Variants in KNTC1 observed in about 807,000 individuals in gnomAD.
The protein encoded by KNTC1 is kinetochore-associated protein 1.
KNTC1 carries 253 observed loss-of-function variants against 314.4 expected under a neutral mutation model. That is an observed-to-expected ratio of 0.80 (90% CI 0.73 to 0.89). The LOEUF (loss-of-function observed/expected upper bound fraction) is 0.89, where lower values mean the gene tolerates loss of function less well. Ranked by LOEUF, KNTC1 falls within the 40% of genes least tolerant of loss-of-function variation. The probability of loss-of-function intolerance (pLI) is 0.00; values close to 1 mark genes in which losing one functional copy is unlikely to be tolerated. For missense variants in KNTC1, 2,475 were observed against 2,572.9 expected, an observed-to-expected ratio of 0.96 and a Z score of 0.82; for synonymous variants, 901 against 901.4, an observed-to-expected ratio of 1.00 and a Z score of 0.01.
chr12:122,542,227 T>C, intron 6 of KNTC1, 100 bp downstream of exon 6: 1 of 778,616 alleles, frequency 1.3e-6, no homozygotes, highest in Non-Finnish European at 1.9e-6. Flanking sequence ...AAGCTTATTT[T>C]ATCTTACTTG....
intron 16 of KNTC1, among the ~76,000 whole-genome samples, chr12:122,554,050 A>G (rs2137795346): frequency 7.2e-6 from 1 of 138,492 alleles, no homozygotes; most frequent in South Asian, 2.3e-4. Context: ...TTTTAAACAT[A>G]CAGAATACTT....
rs1302400186 is a variant in KNTC1, at chr12:122,582,877, T to C, written c.3155T>C (p.Leu1052Pro). ...EVRSPSMESK[L>P]HRQALALQMS... ...AGGAGCCCAAGCATGGAATCAAAGC[T>C]GCACAGACAGGCACTGGCCCTGCAG... Residue 1052 changes from leucine (L) to proline (P), a missense_variant, in exon 34 of 64, where the codon CTG (leucine) becomes CCG (proline). Transcript: ENST00000333479. 1.6e-5 allele frequency: 25 copies of C among 1,612,676 alleles called. No individual in the cohort carries two copies. Among genetic ancestry groups the C allele is most frequent in the Non-Finnish European group, 2.0e-5 (24 of 1,179,334 alleles).
At chr12:122,608,621 AAGGTACACACT>A (rs1872775332) in intron 51 of KNTC1, among the ~76,000 whole-genome samples, 2 of 152,242 alleles carry the variant, frequency 1.3e-5, no homozygotes, top group Non-Finnish European at 2.9e-5. Flanking sequence ...ATGTAAGTTC[AAGGTACACACT>A]AAAAGTTCCT....
rs1271183164 is a variant in KNTC1 at position 122,613,120 on chromosome 12, T to G, written c.5631T>G (p.Gly1877=). ...CTCTTTTGGTTTTTCAGACATTAGG[T>G]ATGCATCAGTTAACTTTTGCCCATA... ...VFATSTTTTL[G]MHQLTFAHRT... Residue 1877 remains glycine, a synonymous_variant, in exon 54 of 64, where the codon GGT becomes GGG. Coordinates refer to ENST00000333479, the MANE Select transcript of KNTC1 (RefSeq NM_014708.6). 4 of 1,604,666 alleles carry G rather than the reference T, an allele frequency of 2.5e-6. No homozygotes were observed. Among genetic ancestry groups the G allele is most frequent in the Non-Finnish European group, 3.4e-6 (4 of 1,171,944 alleles).
intron 57 of KNTC1, among the ~76,000 whole-genome samples, chr12:122,617,079 A>G (rs1873844796): frequency 6.6e-6 from 1 of 152,202 alleles, no homozygotes; most frequent in South Asian, 2.1e-4. Context: ...ATAATGTTCC[A>G]TTATATGGAT....
chr12:122,571,386 G>T lies in KNTC1; in HGVS notation c.2019+260G>T, dbSNP rs997082577. On this transcript the variant is annotated intron_variant, in intron 24 of 63. Transcript: ENST00000333479. ...ATTTATTATTCATTTTTGAGACAAG[G>T]TCTCACTCTGTTGCCCCAGCTGGAA... Among the ~76,000 whole-genome samples, 4 of 151,700 alleles carry T rather than the reference G, an allele frequency of 2.6e-5. No individual in the cohort carries two copies. In the South Asian group the frequency reaches 8.3e-4, roughly 32 times the overall value.
intron 38 of KNTC1, 51 bp downstream of exon 38, chr12:122,586,808 T>G (rs1869392063): frequency 1.7e-6 from 1 of 591,478 alleles, no homozygotes; most frequent in African/African-American, 2.0e-5. Flanking sequence ...ATTTATTTAT[T>G]TATTTATTTA....
chr12:122,599,449 C>T lies in KNTC1; in HGVS notation c.4563+1511C>T, dbSNP rs1377705060. The stretch of plus-strand genomic sequence containing the variant: ...AGTCTCGGCTCGCTGTAGCCTCTGC[C>T]TCCTGGGTTCTCCTGCCTCAACCTT... On this transcript the variant is annotated intron_variant, in intron 44 of 63. Transcript: ENST00000333479. 3.3e-5 allele frequency among the ~76,000 whole-genome samples: 5 copies of T among 152,030 alleles called. No homozygotes were observed. In the Middle Eastern group the frequency reaches 0.014, roughly 414 times the overall value.
At position 122,584,429 on chromosome 12, in the gene KNTC1, G is replaced by C; in HGVS notation, c.3415G>C (p.Ala1139Pro). 6.2e-7 allele frequency: 1 copy of C among 1,609,120 alleles called. No individual in the cohort carries two copies. Among genetic ancestry groups the C allele is most frequent in the Non-Finnish European group, 8.5e-7 (1 of 1,177,226 alleles). Residue 1139 changes from alanine (A) to proline (P), a missense_variant, in exon 35 of 64, where the codon GCT becomes CCT. Coordinates refer to ENST00000333479, the MANE Select transcript of KNTC1 (RefSeq NM_014708.6). ...CATGATACATGATCTAGCAAGCCAAGCTGCCACCATTTGCAGTCCAGGTGA... is the reference window on the plus strand; with the variant it reads ...CATGATACATGATCTAGCAAGCCAACCTGCCACCATTTGCAGTCCAGGTGA... ...PSMIHDLASQ[A>P]ATICSPDFLL...
chr12:122,614,311 T>C (rs66893471), intron 55 of KNTC1, among the ~76,000 whole-genome samples: 30,959 of 152,054 alleles, frequency 0.2, 3,582 homozygotes, highest in East Asian at 0.46. Flanking sequence ...TTCCACGGCT[T>C]ATCTGTCCTT....
In KNTC1 at chr12:122,591,441, T is replaced by C; in HGVS notation, c.4233T>C (p.Leu1411=). ...LSTDAQWGIR[L]GKLGISFQPV... ...CTGATGCCCAGTGGGGCATTCGTCTTGGTAAACTTGGTGTGAGTATTCTTT... is the reference window on the plus strand; with the variant it reads ...CTGATGCCCAGTGGGGCATTCGTCTCGGTAAACTTGGTGTGAGTATTCTTT... Residue 1411 remains leucine, a synonymous_variant, in exon 42 of 64, where the codon CTT becomes CTC. Transcript: ENST00000333479. The C allele has an allele frequency of 1.3e-6, 2 of 1,546,022 alleles. No individual in the cohort carries two copies. Among genetic ancestry groups the C allele is most frequent in the Non-Finnish European group, 1.8e-6 (2 of 1,121,036 alleles).
intron 5 of KNTC1, among the ~76,000 whole-genome samples, chr12:122,540,362 G>A (rs1221279743): frequency 1.3e-5 from 2 of 151,848 alleles, no homozygotes; most frequent in African/African-American, 2.4e-5. Flanking sequence ...AGTAGAGATG[G>A]GGTTTCACCA....
intron 52 of KNTC1, 147 bp downstream of exon 52, chr12:122,609,577 G>A (rs971585634): frequency 8.3e-5 from 47 of 563,262 alleles, no homozygotes; most frequent in Admixed American, 4.5e-4. Flanking sequence ...TCACTAATAC[G>A]TGGCTAGGAG....
intron 51 of KNTC1, among the ~76,000 whole-genome samples, chr12:122,608,462 C>A (rs1044165416): frequency 6.6e-6 from 1 of 152,090 alleles, no homozygotes; most frequent in Non-Finnish European, 1.5e-5. Context: ...ATTTTTATAT[C>A]ATTTGGCATT....
chr12:122,625,739 G>A (rs1222060946), intron 63 of KNTC1, among the ~76,000 whole-genome samples: 1 of 152,046 alleles, frequency 6.6e-6, no homozygotes, highest in African/African-American at 2.4e-5. Flanking sequence ...TATGTAAAAT[G>A]TGCACATAAT....
intron 24 of KNTC1, among the ~76,000 whole-genome samples, chr12:122,571,774 A>G (rs905463710): frequency 4.6e-5 from 7 of 151,762 alleles, no homozygotes; most frequent in African/African-American, 1.7e-4. Flanking sequence ...GGTTCAAGCA[A>G]TTCTCCTGCC....
chr12:122,548,842 C>T (rs1161551863), intron 12 of KNTC1, among the ~76,000 whole-genome samples: 1 of 151,824 alleles, frequency 6.6e-6, no homozygotes, highest in Non-Finnish European at 1.5e-5. Flanking sequence ...GTGGCGTGCA[C>T]CTGTAATCCC....
Position 122,626,328 on chromosome 12 carries a change from A to T in KNTC1, c.*100A>T. On this transcript the variant is annotated 3_prime_UTR_variant, in exon 64 of 64. Transcript: ENST00000333479. ...TTAAATTGTACAATCTCTGTATTAT[A>T]GCTATTTGTCTAACATTACCCCACA... is the stretch of plus-strand genomic sequence containing the variant. 1.2e-6 allele frequency: 1 copy of T among 819,624 alleles called. No individual in the cohort carries two copies. Among genetic ancestry groups the T allele is most frequent in the Non-Finnish European group, 2.0e-6 (1 of 497,158 alleles). The allele number at this position is 819,624 out of a possible 1,614,324, so 50.8% of individuals were successfully genotyped here. A position where few individuals can be genotyped will look rare whatever the true frequency, so the allele number is the denominator to read the frequency against.
chr12:122,615,919 G>A (rs1028883154), intron 57 of KNTC1, among the ~76,000 whole-genome samples: 4 of 152,064 alleles, frequency 2.6e-5, no homozygotes, highest in Non-Finnish European at 5.9e-5. Context: ...CAGGCCTCAC[G>A]AGTCACATCT....
Sources: gnomAD v4.1 joint callset for allele counts (sites outside exome capture counted in the v4.1 genomes callset) on GRCh38, gnomAD v4.1.1 for gene constraint, MANE v1.5 for transcripts, NCBI Gene and HGNC (gene_info 2026-07-23, HGNC 2026-07-21) for gene names.